The following FMO1 variants were observed in gnomAD, a reference collection of about 807,000 sequenced individuals.
The protein encoded by FMO1 is flavin-containing monooxygenase 1.
Under a neutral mutation model 45.4 loss-of-function variants are expected in FMO1, and 36 were observed. That is an observed-to-expected ratio of 0.79 (90% CI 0.61 to 1.05). FMO1 has a LOEUF of 1.05. Among genes scored for constraint, FMO1 ranks in the 50% least tolerant of loss-of-function variants. The pLI is 0.00. For synonymous variants in FMO1, 228 were observed against 227.2 expected, an observed-to-expected ratio of 1.00 and a Z score of -0.03; for missense variants, 615 against 640.3, an observed-to-expected ratio of 0.96 and a Z score of 0.43.
Position 171,285,805 on chromosome 1 carries a change from CTGTTCTT to C in FMO1, c.*262_*268del. On this transcript the variant is annotated 3_prime_UTR_variant, in exon 9 of 9. Transcript: ENST00000617670. ...TTACAGGTTCATTTTAGAAAGAAAG[CTGTTCTT>C]GACAGCACTCTGAGCCATCATACCT... 1 of 308,788 alleles carries C rather than the reference CTGTTCTT, an allele frequency of 3.2e-6. No individual in the cohort carries two copies. The highest frequency in any genetic ancestry group is 5.9e-6 in the Non-Finnish European group (1 of 170,638). The allele number at this position is 308,788 out of a possible 1,614,324, so 19.1% of individuals were successfully genotyped here.
chr1:171,281,658 C>T (rs1296859212), intron 6 of FMO1, among the ~76,000 whole-genome samples: 2 of 152,170 alleles, frequency 1.3e-5, no homozygotes, highest in Admixed American at 1.3e-4. Flanking sequence ...CCTGGTTTCC[C>T]TTGTAGCCCT....
chr1:171,272,939 G>A (rs1660930216), intron 3 of FMO1, among the ~76,000 whole-genome samples: 1 of 152,178 alleles, frequency 6.6e-6, no homozygotes, highest in Admixed American at 6.5e-5. Context: ...CTTTTGAAAT[G>A]TGAGGACATG....
In FMO1 at chr1:171,256,585, C is replaced by T. The variant is rs151263823; in HGVS notation, c.-6-1497C>T. 1.7e-3 allele frequency among the ~76,000 whole-genome samples: 256 copies of T among 152,146 alleles called. 1 individual carries two copies. The highest frequency in any genetic ancestry group is 6.0e-3 in the African/African-American group (248 of 41,504). On this transcript the variant is annotated intron_variant, in intron 1 of 8. Transcript: ENST00000617670. ...CTGGTTCTTCCCCAGTAAATTATAT[C>T]CAGTTGCTATGGGAAGCAACCAGCC...
chr1:171,271,675 A>G, intron 3 of FMO1: 1 of 657,458 alleles, frequency 1.5e-6, no homozygotes, highest in Non-Finnish European at 2.7e-6. Context: ...TATGGAGCTC[A>G]ATGTACTGCC....
rs750040683 is a variant in FMO1 at position 171,280,892 on chromosome 1, A to T, written c.734A>T (p.Asn245Ile). Residue 245 changes from asparagine (N) to isoleucine (I), a missense_variant, in exon 6 of 9, where the codon AAT becomes ATT. Asn to Ile is a moderately radical substitution (Grantham distance 149). Transcript: ENST00000617670. ...FMTRFQNMLR[N>I]SLPTPIVTWL... ...ACACGCTTTCAGAACATGTTGAGAA[A>T]TTCCCTCCCAACCCCAATTGTGACT... 16 of 1,614,008 alleles carry T rather than the reference A, an allele frequency of 9.9e-6. No individual in the cohort carries two copies. Among genetic ancestry groups the T allele is most frequent in the Non-Finnish European group, 1.3e-5 (15 of 1,179,878 alleles).
intron 1 of FMO1, 192 bp from the exon 2 acceptor site, chr1:171,257,890 A>C: frequency 1.7e-6 from 1 of 583,274 alleles, no homozygotes; most frequent in Non-Finnish European, 3.0e-6. Context: ...AGGGGCGGGA[A>C]CATACCAAGC....
intron 6 of FMO1, among the ~76,000 whole-genome samples, chr1:171,281,194 A>G (rs886209721): frequency 6.6e-6 from 1 of 152,216 alleles, no homozygotes; most frequent in African/African-American, 2.4e-5. Context: ...TTTACGTATT[A>G]TTATAATAAT....
At chr1:171,284,898 G>A (rs1225549203) in intron 8 of FMO1, among the ~76,000 whole-genome samples, 1 of 151,878 alleles carries the variant, frequency 6.6e-6, no homozygotes, top group African/African-American at 2.4e-5. Flanking sequence ...ATTTTATAAA[G>A]ATTTAGAAAT....
chr1:171,257,865 C>T (rs922574939), intron 1 of FMO1: 34 of 519,812 alleles, frequency 6.5e-5, no homozygotes, highest in African/African-American at 4.3e-4. Context: ...GAACATTTGG[C>T]ACTGGTGCTG....
intron 8 of FMO1, 24 bp downstream of exon 8, chr1:171,283,240 CT>C (rs771890990): frequency 2.3e-5 from 9 of 391,922 alleles, no homozygotes; most frequent in South Asian, 1.0e-4. Flanking sequence ...TTAATGCACC[CT>C]TTTTAAATTA....
rs573414599 is a variant in FMO1 at position 171,258,189 on chromosome 1, C to T, written c.102C>T (p.Ser34=). The change falls in exon 2 of 9, where the codon AGC becomes AGT. Residue 34 remains serine (S), a synonymous_variant. Coordinates refer to ENST00000617670, the MANE Select transcript of FMO1 (RefSeq NM_001282693.2). ...EGLEPTCFER[S]DDLGGLWRFT... is the part of the protein sequence containing the mutation. ...TGGAGCCCACCTGCTTTGAGAGGAG[C>T]GATGACCTTGGGGGGCTGTGGAGAT... 1.8e-5 allele frequency: 29 copies of T among 1,614,104 alleles called. No individual in the cohort carries two copies. In the African/African-American group the frequency reaches 3.3e-4, roughly 19 times the overall value.
chr1:171,279,089 C>CTTTTTTTTTTTTTTTTT, intron 5 of FMO1, among the ~76,000 whole-genome samples: 1 of 137,786 alleles, frequency 7.3e-6, no homozygotes, highest in African/African-American at 2.7e-5. Context: ...CTTCTTTTTA[C>CTTTTTTTTTTTTTTTTT]TTTTTTTTTT....
intron 3 of FMO1, chr1:171,271,737 A>T: frequency 1.9e-6 from 1 of 522,974 alleles, no homozygotes; most frequent in East Asian, 3.2e-5. Flanking sequence ...TTTGAACTTG[A>T]GAGATGATTT....
At chr1:171,283,567 C>A (rs1424558007) in intron 8 of FMO1, among the ~76,000 whole-genome samples, 1 of 152,134 alleles carries the variant, frequency 6.6e-6, no homozygotes, top group Non-Finnish European at 1.5e-5. Context: ...CCATAATCAA[C>A]AGGCAAGCAG....
At chr1:171,254,827 C>T (rs1475218692) in intron 1 of FMO1, among the ~76,000 whole-genome samples, 2 of 152,174 alleles carry the variant, frequency 1.3e-5, no homozygotes, top group Non-Finnish European at 2.9e-5. Context: ...TGTTGTTTTC[C>T]TACCAACCCA....
chr1:171,281,111 G>C, intron 6 of FMO1, 126 bp downstream of exon 6: 1 of 734,122 alleles, frequency 1.4e-6, no homozygotes. Flanking sequence ...ATACAAATTT[G>C]CTTGATAATA....
At chr1:171,249,296 G>A (rs369734568) in intron 1 of FMO1, among the ~76,000 whole-genome samples, 33 of 152,274 alleles carry the variant, frequency 2.2e-4, no homozygotes, top group African/African-American at 7.9e-4. Flanking sequence ...TATGCCATCT[G>A]TTCTGCAGAT....
chr1:171,283,119 T>G, intron 7 of FMO1, 25 bp from the exon 8 acceptor site: 1 of 1,275,774 alleles, frequency 7.8e-7, no homozygotes, highest in Middle Eastern at 1.9e-4. Flanking sequence ...AAGTTGCATT[T>G]GAGGTTTTTA....
chr1:171,278,497 A>G (rs1661203368), intron 4 of FMO1, among the ~76,000 whole-genome samples: 1 of 152,148 alleles, frequency 6.6e-6, no homozygotes, highest in South Asian at 2.1e-4. Context: ...GTAGTTAACT[A>G]TCTAGTAAGT....
Sources: gnomAD v4.1 joint callset for allele counts (sites outside exome capture counted in the v4.1 genomes callset) on GRCh38, gnomAD v4.1.1 for gene constraint, MANE v1.5 for transcripts, NCBI Gene and HGNC (gene_info 2026-07-23, HGNC 2026-07-21) for gene names.